Variants in LMO7 observed in about 807,000 individuals in gnomAD.
The protein encoded by LMO7 is LIM domain only protein 7.
LMO7 carries 120 observed loss-of-function variants against 206.5 expected under a neutral mutation model. That is an observed-to-expected ratio of 0.58 (90% CI 0.50 to 0.68). The LOEUF is 0.68. Ranked by LOEUF, LMO7 falls within the 30% of genes least tolerant of loss-of-function variation. LMO7 has a pLI of 0.00. For missense variants in LMO7, 1,959 were observed against 1,957.9 expected (o/e 1.00, Z -0.01); for synonymous variants, 706 against 681.5 (o/e 1.04, Z -0.56).
At chr13:75,855,414 G>C (rs766404977) in intron 29 of LMO7, 46 bp downstream of exon 29, 11 of 1,291,248 alleles carry the variant, frequency 8.5e-6, no homozygotes, top group Non-Finnish European at 1.2e-5. Context: ...GCTTTGCTTG[G>C]AGAGCGCATG....
intron 1 of LMO7, among the ~76,000 whole-genome samples, chr13:75,701,271 G>A (rs553110498): frequency 1.8e-4 from 28 of 152,290 alleles, no homozygotes; most frequent in Middle Eastern, 3.4e-3. Context: ...GTAACTGGGC[G>A]TCTCAGCCGC....
chr13:75,655,060 G>A (rs974591102), intron 1 of LMO7, among the ~76,000 whole-genome samples: 1 of 151,882 alleles, frequency 6.6e-6, no homozygotes, highest in African/African-American at 2.4e-5. Flanking sequence ...TAGTAGAGAC[G>A]GGGTTTCACC....
intron 4 of LMO7, among the ~76,000 whole-genome samples, chr13:75,772,150 C>A (rs1037826082): frequency 6.6e-6 from 1 of 152,002 alleles, no homozygotes; most frequent in Non-Finnish European, 1.5e-5. Context: ...CATTTCTTAC[C>A]AAGCCTTTAG....
rs151073327 is a variant in LMO7, at chr13:75,769,622, C to G, written c.317+8584C>G. Among the ~76,000 whole-genome samples the G allele has an allele frequency of 8.9e-3, 1,353 of 152,060 alleles. 43 individuals carry two copies. The highest frequency in any genetic ancestry group is 0.039 in the Admixed American group (595 of 15,270). ...TTGAATCTCCACACTGTAGATAAGC[C>G]AATTTTTCCTAAGCTGTTAAAGGAA... On this transcript the variant is annotated intron_variant, in intron 4 of 30. Transcript: ENST00000377534.
At position 75,834,350 on chromosome 13, in the gene LMO7, A is replaced by T; in HGVS notation, c.3189A>T (p.Gly1063=). 1 of 1,609,318 alleles carries T rather than the reference A, an allele frequency of 6.2e-7. No homozygotes were observed. The highest frequency in any genetic ancestry group is 8.5e-7 in the Non-Finnish European group (1 of 1,177,800). The part of the protein sequence containing the change: ...EEAMAKAQET[G]HLVMDVRRYG... ...CCATGGCTAAGGCTCAAGAAACTGG[A>T]CACCTAGTGATGGATGTGAGGCGCT... The change falls in exon 17 of 31, where the codon GGA becomes GGT. Residue 1063 remains glycine (G), a synonymous_variant. Transcript: ENST00000377534.
At chr13:75,776,150 G>GTATATATATCGGAAATATATATATATA (rs2050366791) in intron 4 of LMO7, among the ~76,000 whole-genome samples, 1 of 45,616 alleles carries the variant, frequency 2.2e-5, no homozygotes, top group Non-Finnish European at 4.9e-5. Context: ...TATATGCCAT[G>GTATATATATCGGAAATATATATATATA]TATATATATC....
At chr13:75,814,592 C>T (rs1393788301) in intron 11 of LMO7, among the ~76,000 whole-genome samples, 1 of 152,184 alleles carries the variant, frequency 6.6e-6, no homozygotes, top group Non-Finnish European at 1.5e-5. Context: ...GCAGGCTGGG[C>T]TCCCCTTCAG....
chr13:75,670,966 C>CTTTTTTTTTTTTTTT lies in LMO7; in HGVS notation c.69+34243_69+34257dup, dbSNP rs552236505. On this transcript the variant is annotated intron_variant, in intron 1 of 30. Transcript: ENST00000377534. ...TACCTTTTTTTTTTAATGTTTAAAA[C>CTTTTTTTTTTTTTTT]TTTTTTTTTTTTTTTTTACTATTTA... Among the ~76,000 whole-genome samples the CTTTTTTTTTTTTTTT allele has an allele frequency of 7.8e-3, 781 of 99,624 alleles. 1 individual carries two copies. The highest frequency in any genetic ancestry group is 0.012 in the Non-Finnish European group (563 of 48,182). 65.4% of individuals were successfully genotyped at this position (99,624 alleles called of 152,430 possible).
intron 1 of LMO7, among the ~76,000 whole-genome samples, chr13:75,676,002 C>T (rs556409868): frequency 1.3e-5 from 2 of 152,162 alleles, no homozygotes; most frequent in Admixed American, 1.3e-4. Flanking sequence ...TAAAACTGCA[C>T]GTTTGTAAAA....
At chr13:75,654,506 G>A (rs1211251485) in intron 1 of LMO7, among the ~76,000 whole-genome samples, 1 of 152,098 alleles carries the variant, frequency 6.6e-6, no homozygotes, top group Non-Finnish European at 1.5e-5. Flanking sequence ...GCCTCCCTTG[G>A]CACAGGAAGG....
Position 75,781,096 on chromosome 13 carries a change from C to CTTTTTTTTTTTTTTTTT in LMO7, c.318-14298_318-14282dup, listed in dbSNP as rs367937964. Among the ~76,000 whole-genome samples the CTTTTTTTTTTTTTTTTT allele has an allele frequency of 6.9e-4, 29 of 41,908 alleles. 1 individual carries two copies. The highest frequency in any genetic ancestry group is 1.3e-3 in the Admixed American group (4 of 2,968). The allele number at this position is 41,908 out of a possible 152,430, so 27.5% of individuals were successfully genotyped here. A position where few individuals can be genotyped will look rare whatever the true frequency, so the allele number is the denominator to read the frequency against. On this transcript the variant is annotated intron_variant, in intron 4 of 30. Coordinates refer to ENST00000377534, the MANE Select transcript of LMO7 (RefSeq NM_001306080.2). ...ATTTTTTTAACCTTACTCTATTTTCCTTTTTTTTTTTTTTTTTTTTTTTGC... is the reference window on the plus strand; with the variant it reads ...ATTTTTTTAACCTTACTCTATTTTCCTTTTTTTTTTTTTTTTTTTTTTTTTTTTTTTTTTTTTTTTGC...
Position 75,731,399 on chromosome 13 carries a change from CT to C in LMO7, c.210+4305del, listed in dbSNP as rs1245073031. 4.5e-3 allele frequency among the ~76,000 whole-genome samples: 681 copies of C among 152,224 alleles called. 7 individuals are homozygous for C. The highest frequency in any genetic ancestry group is 0.016 in the African/African-American group (652 of 41,532). ...CATTATGTAATGGCCTTCTTTGTCT[CT>C]TTTGATCTGTGTTGGTTTAAAGTCT... On this transcript the variant is annotated intron_variant, in intron 3 of 30. Transcript: ENST00000377534.
At chr13:75,796,073 A>C (rs2053972805) in intron 5 of LMO7, among the ~76,000 whole-genome samples, 1 of 152,228 alleles carries the variant, frequency 6.6e-6, no homozygotes, top group Non-Finnish European at 1.5e-5. Flanking sequence ...AAGGCAAGTA[A>C]ACACATTTTA....
chr13:75,692,959 T>C (rs538717415), intron 1 of LMO7, among the ~76,000 whole-genome samples: 2 of 152,334 alleles, frequency 1.3e-5, no homozygotes, highest in South Asian at 4.1e-4. Flanking sequence ...AGCTAGAGTT[T>C]ACAGGGCACT....
Position 75,766,819 on chromosome 13 carries a change from C to T in LMO7, c.317+5781C>T, listed in dbSNP as rs547533344. Among the ~76,000 whole-genome samples the T allele has an allele frequency of 7.9e-5, 12 of 152,218 alleles. No homozygotes were observed. In the South Asian group the frequency reaches 2.5e-3, roughly 32 times the overall value. ...TATCTCCTTGGTTCCTGTTACCATACATCTTTGCGTGTTTATTTGAAAACT... is the reference window on the plus strand; with the variant it reads ...TATCTCCTTGGTTCCTGTTACCATATATCTTTGCGTGTTTATTTGAAAACT... On this transcript the variant is annotated intron_variant, in intron 4 of 30. Transcript: ENST00000377534.
intron 3 of LMO7, among the ~76,000 whole-genome samples, chr13:75,741,534 T>G (rs1322068857): frequency 6.6e-6 from 1 of 152,208 alleles, no homozygotes; most frequent in African/African-American, 2.4e-5. Flanking sequence ...TTATCTACCA[T>G]GATCAAGCAG....
chr13:75,827,505 G>C (rs551247557), intron 15 of LMO7, among the ~76,000 whole-genome samples: 1 of 152,138 alleles, frequency 6.6e-6, no homozygotes, highest in Admixed American at 6.5e-5. Context: ...GCTGAGCTGG[G>C]GGTTTTGTCT....
In LMO7 at chr13:75,833,053, T is replaced by G. The variant is rs535693336; in HGVS notation, c.2952T>G (p.Asp984Glu). ...SPQREVSRSQ[D>E]QFSDMRISIN... is the part of the protein sequence containing the mutation. ...AGCGTTTCATGTTTTGTTTTCAGGA[T>G]CAGTTCAGTGATATGAGAATCAGCA... Residue 984 changes from aspartate to glutamate, a missense_variant and splice_region_variant, in exon 16 of 31, where the codon GAT becomes GAG. Physicochemically the swap from Asp to Glu is conservative, Grantham distance 45. Coordinates refer to ENST00000377534, the MANE Select transcript of LMO7 (RefSeq NM_001306080.2). 1.3e-6 allele frequency: 2 copies of G among 1,582,674 alleles called. No individual in the cohort carries two copies. The highest frequency in any genetic ancestry group is 4.5e-5 in the East Asian group (2 of 44,664).
chr13:75,841,333 C>T (rs1164584541), intron 23 of LMO7, 132 bp downstream of exon 23: 2 of 649,438 alleles, frequency 3.1e-6, no homozygotes, highest in Non-Finnish European at 5.3e-6. Context: ...TTGAAAAATA[C>T]AATGAGCTCT....
Sources: gnomAD v4.1 joint callset for allele counts (sites outside exome capture counted in the v4.1 genomes callset) on GRCh38, gnomAD v4.1.1 for gene constraint, MANE v1.5 for transcripts, NCBI Gene and HGNC (gene_info 2026-07-23, HGNC 2026-07-21) for gene names.